UGGT2: variants seen among roughly 807,000 people sequenced by gnomAD.
UGGT2 encodes the protein UDP-glucose:glycoprotein glucosyltransferase 2.
UGGT2 carries 180 observed loss-of-function variants against 192.1 expected under a neutral mutation model. The ratio of observed to expected loss-of-function variants is 0.94; its 90% CI spans 0.83 to 1.06. The LOEUF is 1.06. UGGT2 is among the 50% of genes least tolerant of loss of function. The pLI is 0.00. For synonymous variants in UGGT2, 580 were observed against 591.0 expected (o/e 0.98, Z 0.27); for missense variants, 1,849 against 1,795.7 (o/e 1.03, Z -0.54).
intron 5 of UGGT2, among the ~76,000 whole-genome samples, chr13:96,012,381 T>G (rs151203932): frequency 0.013 from 1,950 of 152,092 alleles, 40 homozygotes; most frequent in African/African-American, 0.045. Flanking sequence ...TCAGGTAAAG[T>G]TGAGTAAATC....
chr13:96,045,809 A>G (rs2053293447), intron 1 of UGGT2, among the ~76,000 whole-genome samples: 1 of 152,208 alleles, frequency 6.6e-6, no homozygotes, highest in African/African-American at 2.4e-5. Context: ...AAGGAAAACT[A>G]CAAAACACTG....
At position 95,902,997 on chromosome 13, in the gene UGGT2, T is replaced by C. The variant is rs1387842086; in HGVS notation, c.2359A>G (p.Asn787Asp). The C allele has an allele frequency of 1.9e-6, 3 of 1,613,310 alleles. No homozygotes were observed. The highest frequency in any genetic ancestry group is 2.5e-6 in the Non-Finnish European group (3 of 1,179,634). The change falls in exon 21 of 39, where the codon AAC (asparagine) becomes GAC (aspartate). Residue 787 changes from asparagine (N) to aspartate (D), a missense_variant. Asn to Asp is a conservative substitution (Grantham distance 23). Transcript: ENST00000376747. ...YNPTSKINEE[N>D]TAISRGILAA... Reference sequence around the variant, plus strand: ...AAAATTCCTCTAGAAATAGCTGTGTTCTCTTCATTTATTTTTGATGTAGGA... The same window carrying C: ...AAAATTCCTCTAGAAATAGCTGTGTCCTCTTCATTTATTTTTGATGTAGGA...
At chr13:95,843,139 G>T (rs1164862147) in intron 36 of UGGT2, among the ~76,000 whole-genome samples, 1 of 152,210 alleles carries the variant, frequency 6.6e-6, no homozygotes, top group Non-Finnish European at 1.5e-5. Flanking sequence ...ACACCCTGAA[G>T]TATAATGACT....
intron 14 of UGGT2, 99 bp downstream of exon 14, chr13:95,947,897 C>G: frequency 1.1e-6 from 1 of 911,564 alleles, no homozygotes; most frequent in Non-Finnish European, 1.7e-6. Flanking sequence ...CTAGAGCTAA[C>G]CATCGCTTTG....
At position 95,873,592 on chromosome 13, in the gene UGGT2, GCT is replaced by G. The variant is rs951542600; in HGVS notation, c.3473+3685_3473+3686del. 4.6e-5 allele frequency among the ~76,000 whole-genome samples: 7 copies of G among 152,278 alleles called. No homozygotes were observed. The East Asian group carries it at 1.4e-3, about 29-fold the overall frequency. On this transcript the variant is annotated intron_variant, in intron 29 of 38. Transcript: ENST00000376747. ...TATATATACTGCTAGTTGCATGCAT[GCT>G]CTCTCTTTCTCTCTGCCTGACTCCT...
chr13:95,883,831 GAATTCCTTTTCTCATTCTAGATTC>G (rs2047562367), intron 27 of UGGT2, among the ~76,000 whole-genome samples: 1 of 151,988 alleles, frequency 6.6e-6, no homozygotes, highest in African/African-American at 2.4e-5. Context: ...TGTGGTTTCT[GAATTCCTTTTCTCATTCTAGATTC>G]AACGTTTAAA....
Position 95,884,635 on chromosome 13 carries a change from A to G in UGGT2, c.3084T>C (p.Asn1028=). ...CCACTGGTCCAAGAGAAGAAACGTC[A>G]TTAGCCCCTGACATCAGTTCTGGTT... ...VLEPELMSGA[N]DVSSLGPVAK... Residue 1028 remains asparagine, a synonymous_variant, in exon 27 of 39, where the codon AAT becomes AAC. Coordinates refer to ENST00000376747, the MANE Select transcript of UGGT2 (RefSeq NM_020121.4). The G allele has an allele frequency of 1.2e-6, 2 of 1,613,928 alleles. No individual in the cohort carries two copies. The highest frequency in any genetic ancestry group is 8.5e-7 in the Non-Finnish European group (1 of 1,179,870).
intron 20 of UGGT2, among the ~76,000 whole-genome samples, chr13:95,912,275 T>C (rs1473972247): frequency 6.6e-6 from 1 of 152,162 alleles, no homozygotes; most frequent in East Asian, 1.9e-4. Context: ...GGTGTTCAAT[T>C]AGAAAATGAG....
intron 38 of UGGT2, among the ~76,000 whole-genome samples, chr13:95,813,545 G>A (rs1007596035): frequency 3.3e-5 from 5 of 152,122 alleles, no homozygotes; most frequent in Non-Finnish European, 5.9e-5. Context: ...ATTTAAAGTT[G>A]GAACTTTTAA....
chr13:95,856,198 G>T lies in UGGT2; in HGVS notation c.3968C>A (p.Pro1323Gln), dbSNP rs542629989. The T allele has an allele frequency of 6.2e-7, 1 of 1,613,206 alleles. No homozygotes were observed. The highest frequency in any genetic ancestry group is 1.1e-5 in the South Asian group (1 of 90,962). ...YKILFLDVLF[P>Q]LAVDKIIFVD... ...AAAAATGATTTTGTCCACTGCTAGT[G>T]GGAAAAGAACATCAAGGAAAAGAAT... The change falls in exon 34 of 39, where the codon CCA becomes CAA. Residue 1323 changes from proline to glutamine, a missense_variant. Transcript: ENST00000376747.
intron 20 of UGGT2, among the ~76,000 whole-genome samples, chr13:95,910,467 C>T (rs1194177835): frequency 6.6e-6 from 1 of 151,966 alleles, no homozygotes; most frequent in Admixed American, 6.6e-5. Flanking sequence ...GACTTTAAAC[C>T]AACAAAGATT....
intron 36 of UGGT2, among the ~76,000 whole-genome samples, chr13:95,843,498 A>AT (rs1337065070): frequency 5.3e-5 from 8 of 151,892 alleles, no homozygotes; most frequent in Non-Finnish European, 1.0e-4. Flanking sequence ...ATATTTATCA[A>AT]TTTTTTCTTT....
At chr13:95,972,234 ACC>A (rs1457069956) in intron 11 of UGGT2, among the ~76,000 whole-genome samples, 9 of 151,886 alleles carry the variant, frequency 5.9e-5, no homozygotes, top group Non-Finnish European at 1.2e-4. Context: ...CTGGGGAAAT[ACC>A]CCATGTTGAC....
chr13:96,035,400 C>T (rs548948260), intron 1 of UGGT2, among the ~76,000 whole-genome samples: 6 of 152,136 alleles, frequency 3.9e-5, no homozygotes, highest in African/African-American at 7.2e-5. Context: ...ACACCTTATA[C>T]AAAAATTAAC....
chr13:95,879,080 A>T (rs1180150222), intron 27 of UGGT2, among the ~76,000 whole-genome samples: 1 of 152,200 alleles, frequency 6.6e-6, no homozygotes, highest in East Asian at 1.9e-4. Context: ...AATTAGAAAA[A>T]GATTGTAGAG....
intron 25 of UGGT2, among the ~76,000 whole-genome samples, chr13:95,888,931 C>T (rs2047723075): frequency 6.6e-6 from 1 of 151,986 alleles, no homozygotes; most frequent in Non-Finnish European, 1.5e-5. Flanking sequence ...TCTCCCACCT[C>T]AGCCTCCTGA....
Position 95,970,187 on chromosome 13 carries a change from C to G in UGGT2, c.1260G>C (p.Met420Ile). The change falls in exon 12 of 39, where the codon ATG (methionine) becomes ATC (isoleucine). Residue 420 changes from methionine to isoleucine, a missense_variant. By Grantham distance (10) the Met-to-Ile change is conservative (BLOSUM62 1). Coordinates refer to ENST00000376747, the MANE Select transcript of UGGT2 (RefSeq NM_020121.4). ...GTGAATTTAATTTTAAAAATTTGCT[C>G]ATATCTTCCCCATTGATCCCAAGAT... ...LRNLGINGED[M>I]SKFLKLNSHI... The G allele has an allele frequency of 6.2e-7, 1 of 1,612,762 alleles. No homozygotes were observed. Among genetic ancestry groups the G allele is most frequent in the Non-Finnish European group, 8.5e-7 (1 of 1,179,028 alleles).
rs560354733 is a variant in UGGT2 at position 96,031,594 on chromosome 13, C to T, written c.241+295G>A. ...CCTTGGGCCTTCCAAGTAGCTGCTA[C>T]TACAGATGCACACCACCATGCCCAG... On this transcript the variant is annotated intron_variant, in intron 2 of 38. Coordinates refer to ENST00000376747, the MANE Select transcript of UGGT2 (RefSeq NM_020121.4). 2.6e-5 allele frequency among the ~76,000 whole-genome samples: 4 copies of T among 152,298 alleles called. No homozygotes were observed. The East Asian group carries it at 7.7e-4, about 29-fold the overall frequency.
intron 22 of UGGT2, among the ~76,000 whole-genome samples, chr13:95,900,544 T>C (rs1208768714): frequency 6.6e-6 from 1 of 152,126 alleles, no homozygotes; most frequent in African/African-American, 2.4e-5. Context: ...AATACTTACA[T>C]TAGAACAAAA....
Sources: gnomAD v4.1 joint callset for allele counts (sites outside exome capture counted in the v4.1 genomes callset) on GRCh38, gnomAD v4.1.1 for gene constraint, MANE v1.5 for transcripts, NCBI Gene and HGNC (gene_info 2026-07-23, HGNC 2026-07-21) for gene names.